Variants in NR2C2 observed in about 807,000 individuals in gnomAD.
The protein encoded by NR2C2 is nuclear receptor subfamily 2 group C member 2, also known as Nuclear hormone receptor TR4.
Under a neutral mutation model 62.9 loss-of-function variants are expected in NR2C2, and 6 were observed. That is an observed-to-expected ratio of 0.10 (90% CI 0.05 to 0.19). The LOEUF is 0.19. Ranked by LOEUF, NR2C2 falls within the 10% of genes least tolerant of loss-of-function variation. The pLI is 1.00. For missense variants in NR2C2, 479 were observed against 762.7 expected, an observed-to-expected ratio of 0.63 and a Z score of 4.38; for synonymous variants, 272 against 273.8, an observed-to-expected ratio of 0.99 and a Z score of 0.07.
At chr3:15,010,691 A>G (rs947761690) in intron 2 of NR2C2, among the ~76,000 whole-genome samples, 1 of 151,456 alleles carries the variant, frequency 6.6e-6, no homozygotes. Context: ...CAATGTGGGT[A>G]ACAGAACAAG....
chr3:15,005,054 C>T (rs2041128915), intron 2 of NR2C2, among the ~76,000 whole-genome samples: 1 of 151,598 alleles, frequency 6.6e-6, no homozygotes, highest in African/African-American at 2.4e-5. Flanking sequence ...TGCCCAGCCA[C>T]CCCTTTCTTA....
In NR2C2 at chr3:15,012,614, A is replaced by G. The variant is rs114361609; in HGVS notation, c.73-975A>G. ...GAAACTGAGTTCCAGCCAGAGACAT[A>G]GCATGTTTCCCCTCACCCAACACAG... On this transcript the variant is annotated intron_variant, in intron 2 of 13. Transcript: ENST00000425241. 2.7e-3 allele frequency among the ~76,000 whole-genome samples: 412 copies of G among 152,294 alleles called. 2 individuals carry two copies. Among genetic ancestry groups the G allele is most frequent in the African/African-American group, 9.5e-3 (396 of 41,556 alleles).
chr3:14,992,748 A>G (rs2040706887), intron 1 of NR2C2, among the ~76,000 whole-genome samples: 1 of 152,232 alleles, frequency 6.6e-6, no homozygotes, highest in South Asian at 2.1e-4. Flanking sequence ...AAAGGATGTG[A>G]AATGGAACAG....
chr3:14,973,355 A>G (rs1456534313), intron 1 of NR2C2, among the ~76,000 whole-genome samples: 1 of 151,888 alleles, frequency 6.6e-6, no homozygotes, highest in Non-Finnish European at 1.5e-5. Context: ...CCTCCTGAGT[A>G]CTGCTGGGAC....
At chr3:14,963,089 TTG>T (rs2039735022) in intron 1 of NR2C2, among the ~76,000 whole-genome samples, 1 of 152,124 alleles carries the variant, frequency 6.6e-6, no homozygotes. Context: ...GTGGGGAACT[TTG>T]TGGTAGATTC....
chr3:14,990,134 T>C (rs2040628002), intron 1 of NR2C2, among the ~76,000 whole-genome samples: 1 of 152,084 alleles, frequency 6.6e-6, no homozygotes, highest in Non-Finnish European at 1.5e-5. Context: ...ATTAGATTAC[T>C]GCACCGTTAG....
intron 13 of NR2C2, among the ~76,000 whole-genome samples, chr3:15,041,101 G>A (rs2042250006): frequency 6.6e-6 from 1 of 152,184 alleles, no homozygotes; most frequent in South Asian, 2.1e-4. Context: ...AAAATGATAA[G>A]GGAGGCTTTC....
At position 14,947,882 on chromosome 3, in the gene NR2C2, G is replaced by A. The variant is rs2039169552; in HGVS notation, c.-64G>A. 1 of 150,246 alleles carries A rather than the reference G, an allele frequency of 6.7e-6. No individual in the cohort carries two copies. Among genetic ancestry groups the A allele is most frequent in the African/African-American group, 2.4e-5 (1 of 41,052 alleles). The allele number at this position is 150,246 out of a possible 1,614,324, so 9.3% of individuals were successfully genotyped here. ...GCCGCAGACACGGGACCCGCTTCGA[G>A]GCCGCTTTGGCGCCAAATCCTGAGG... On this transcript the variant is annotated 5_prime_UTR_variant, in exon 1 of 14. Coordinates refer to ENST00000425241, the MANE Select transcript of NR2C2 (RefSeq NM_001291694.2).
At chr3:15,039,830 G>T (rs2042203302) in intron 13 of NR2C2, among the ~76,000 whole-genome samples, 1 of 152,284 alleles carries the variant, frequency 6.6e-6, no homozygotes, top group African/African-American at 2.4e-5. Flanking sequence ...GGTATTATTT[G>T]TAATTAATGT....
intron 4 of NR2C2, among the ~76,000 whole-genome samples, chr3:15,019,085 G>A (rs1309663252): frequency 6.8e-6 from 1 of 147,488 alleles, no homozygotes; most frequent in Non-Finnish European, 1.5e-5. Context: ...AATTAGCCTA[G>A]TGTGGTGGTG....
intron 1 of NR2C2, among the ~76,000 whole-genome samples, chr3:14,965,095 G>A (rs973810772): frequency 1.3e-5 from 2 of 152,142 alleles, no homozygotes; most frequent in Non-Finnish European, 2.9e-5. Context: ...CAGACATGGG[G>A]AGAACATACA....
At chr3:14,955,394 T>A (rs1471419654) in intron 1 of NR2C2, among the ~76,000 whole-genome samples, 2 of 152,224 alleles carry the variant, frequency 1.3e-5, no homozygotes, top group African/African-American at 4.8e-5. Context: ...CTTATTGATG[T>A]AAGCAATTTT....
intron 13 of NR2C2, among the ~76,000 whole-genome samples, chr3:15,039,922 G>A (rs1404251016): frequency 6.6e-6 from 1 of 151,700 alleles, no homozygotes; most frequent in Non-Finnish European, 1.5e-5. Flanking sequence ...AGGCTGAGGC[G>A]GGTGGATCAG....
chr3:14,966,272 G>T (rs1162078816), intron 1 of NR2C2, among the ~76,000 whole-genome samples: 2 of 152,230 alleles, frequency 1.3e-5, no homozygotes, highest in East Asian at 3.8e-4. Flanking sequence ...CAGGGCTTTT[G>T]CTCTCCCAGA....
intron 1 of NR2C2, among the ~76,000 whole-genome samples, chr3:14,991,517 C>T (rs147316403): frequency 1.0e-3 from 158 of 152,286 alleles, no homozygotes; most frequent in African/African-American, 3.7e-3. Flanking sequence ...AAGGGTTTTA[C>T]ATTGTTCATG....
intron 8 of NR2C2, among the ~76,000 whole-genome samples, 198 bp downstream of exon 8, chr3:15,028,917 C>T (rs1054683675): frequency 2.6e-5 from 4 of 152,122 alleles, no homozygotes; most frequent in Admixed American, 2.0e-4. Context: ...CAGTATAAAA[C>T]AATCAAAACT....
intron 1 of NR2C2, among the ~76,000 whole-genome samples, chr3:14,963,502 G>T (rs1042591225): frequency 1.3e-5 from 2 of 151,974 alleles, no homozygotes; most frequent in Non-Finnish European, 2.9e-5. Context: ...ACGGAGTCTT[G>T]CTGTCTCCCA....
At chr3:15,028,878 T>C (rs971378541) in intron 8 of NR2C2, among the ~76,000 whole-genome samples, 159 bp downstream of exon 8, 1 of 152,192 alleles carries the variant, frequency 6.6e-6, no homozygotes, top group African/African-American at 2.4e-5. Flanking sequence ...AAATTTTAAC[T>C]GTGGGAACAT....
At chr3:14,972,355 A>G (rs2040068782) in intron 1 of NR2C2, among the ~76,000 whole-genome samples, 1 of 151,714 alleles carries the variant, frequency 6.6e-6, no homozygotes, top group Non-Finnish European at 1.5e-5. Context: ...TTGTATTTTT[A>G]GTAGAGACAG....
Sources: gnomAD v4.1 joint callset for allele counts (sites outside exome capture counted in the v4.1 genomes callset) on GRCh38, gnomAD v4.1.1 for gene constraint, MANE v1.5 for transcripts, NCBI Gene and HGNC (gene_info 2026-07-23, HGNC 2026-07-21) for gene names.